Variants in FBXW10B observed in about 807,000 individuals in gnomAD.
FBXW10B encodes the protein F-box and WD repeat domain containing 10B.
chr17:15,613,648 G>A, the FBXW10B span: 24 of 1,592,572 alleles, frequency 1.5e-5, no homozygotes, highest in South Asian at 2.3e-5. Context: ...GAATGAAGCC[G>A]TGCGCTGACA....
At chr17:15,613,924 G>T in the FBXW10B span, 2 of 1,601,120 alleles carry the variant, frequency 1.2e-6, no homozygotes, top group Non-Finnish European at 1.7e-6. Context: ...TGTCATCCAG[G>T]TCAACCAATA....
At chr17:15,593,547 G>C in the FBXW10B span, 3 of 1,600,118 alleles carry the variant, frequency 1.9e-6, no homozygotes, top group South Asian at 2.2e-5. Context: ...AAAATGCCTG[G>C]GTTTGTTTGT....
the FBXW10B span, among the ~76,000 whole-genome samples, chr17:15,599,083 G>A: frequency 6.0e-5 from 9 of 150,058 alleles, no homozygotes; most frequent in African/African-American, 2.2e-4. Context: ...GCTGAGGCAG[G>A]AGAATTGCTT....
chr17:15,593,756 G>A, the FBXW10B span, among the ~76,000 whole-genome samples: 1 of 151,740 alleles, frequency 6.6e-6, no homozygotes, highest in Non-Finnish European at 1.5e-5. Context: ...AGTCTTCCAA[G>A]TAGCTGGGAT....
chr17:15,579,488 A>G, the FBXW10B span, among the ~76,000 whole-genome samples: 1 of 152,152 alleles, frequency 6.6e-6, no homozygotes, highest in East Asian at 1.9e-4. Flanking sequence ...CCAAGCTCCA[A>G]TGTGGGATTT....
the FBXW10B span, among the ~76,000 whole-genome samples, chr17:15,579,349 A>G: frequency 6.6e-6 from 1 of 152,106 alleles, no homozygotes; most frequent in Non-Finnish European, 1.5e-5. Context: ...CTGAATTTAC[A>G]TCAGTCATCT....
the FBXW10B span, among the ~76,000 whole-genome samples, chr17:15,593,924 C>T: frequency 1.4e-4 from 21 of 152,116 alleles, no homozygotes; most frequent in Admixed American, 9.8e-4. Context: ...CCACCATGCC[C>T]GGCCTGCTGT....
the FBXW10B span, chr17:15,569,162 G>A: frequency 1.4e-5 from 10 of 734,612 alleles, no homozygotes; most frequent in African/African-American, 9.0e-5. Context: ...CTCAGTAGTG[G>A]GATTGCTGGA....
the FBXW10B span, among the ~76,000 whole-genome samples, chr17:15,608,780 C>T: frequency 1.3e-5 from 2 of 152,198 alleles, no homozygotes; most frequent in African/African-American, 4.8e-5. Context: ...AGTTTTCATA[C>T]ATCTGCAACT....
the FBXW10B span, among the ~76,000 whole-genome samples, chr17:15,605,782 G>C: frequency 2.6e-5 from 4 of 151,734 alleles, no homozygotes; most frequent in Non-Finnish European, 4.4e-5. Flanking sequence ...GAACACAGTT[G>C]GGAAGTCCTG....
the FBXW10B span, chr17:15,565,670 C>T: frequency 6.8e-6 from 11 of 1,614,256 alleles, no homozygotes; most frequent in Non-Finnish European, 9.3e-6. Context: ...CCAGTGGACT[C>T]CCTGGCCTGA....
chr17:15,583,812 C>T, the FBXW10B span, among the ~76,000 whole-genome samples: 607 of 149,302 alleles, frequency 4.1e-3, 7 homozygotes, highest in Admixed American at 0.021. Context: ...CAGTTTCTTA[C>T]TGCTAAAATG....
chr17:15,613,980 A>C, the FBXW10B span: 1 of 1,585,804 alleles, frequency 6.3e-7, no homozygotes, highest in South Asian at 1.1e-5. Flanking sequence ...GCTTTTCCAG[A>C]AAACAGCCTA....
chr17:15,567,056 G>C, the FBXW10B span, among the ~76,000 whole-genome samples: 1 of 151,386 alleles, frequency 6.6e-6, no homozygotes, highest in African/African-American at 2.4e-5. Flanking sequence ...TGGATCACGA[G>C]GTCAGGCGAT....
At chr17:15,570,462 G>A in the FBXW10B span, among the ~76,000 whole-genome samples, 1 of 152,272 alleles carries the variant, frequency 6.6e-6, no homozygotes, top group Non-Finnish European at 1.5e-5. Flanking sequence ...TAGAGGGAAG[G>A]ATGTATATAG....
At chr17:15,597,054 A>T in the FBXW10B span, among the ~76,000 whole-genome samples, 5 of 84,736 alleles carry the variant, frequency 5.9e-5, no homozygotes, top group Non-Finnish European at 9.1e-5. Context: ...AGGTAAAATT[A>T]AAAAAAAAAA....
chr17:15,615,870 G>T, the FBXW10B span: 1 of 1,609,990 alleles, frequency 6.2e-7, no homozygotes, highest in Non-Finnish European at 8.5e-7. Flanking sequence ...GGAAAATGAG[G>T]TGGAGAGAAA....
the FBXW10B span, chr17:15,612,613 C>T: frequency 1.3e-6 from 2 of 1,587,816 alleles, no homozygotes; most frequent in South Asian, 1.2e-5. Flanking sequence ...TCTGTCCTCA[C>T]TCCAGGGCTG....
the FBXW10B span, chr17:15,593,427 A>C: frequency 6.2e-7 from 1 of 1,614,050 alleles, no homozygotes; most frequent in African/African-American, 1.3e-5. Flanking sequence ...GAAATTGTAA[A>C]TTCGGATCTT....
Sources: gnomAD v4.1 joint callset for allele counts (sites outside exome capture counted in the v4.1 genomes callset) on GRCh38, gnomAD v4.1.1 for gene constraint, MANE v1.5 for transcripts, NCBI Gene and HGNC (gene_info 2026-07-23, HGNC 2026-07-21) for gene names.